The following ST7L variants were observed in gnomAD, a reference collection of about 807,000 sequenced individuals.
The protein encoded by ST7L is suppressor of tumorigenicity 7 protein-like.
A neutral mutation model predicts 72.5 loss-of-function variants in ST7L; 57 were observed. The ratio of observed to expected loss-of-function variants is 0.79; its 90% CI spans 0.64 to 0.98. The LOEUF (loss-of-function observed/expected upper bound fraction) is 0.98, where lower values mean the gene tolerates loss of function less well. Among genes scored for constraint, ST7L ranks in the 50% least tolerant of loss-of-function variants. The probability of loss-of-function intolerance (pLI) is 0.00; values close to 1 mark genes in which losing one functional copy is unlikely to be tolerated. For missense variants in ST7L, 576 were observed against 672.2 expected, an observed-to-expected ratio of 0.86 and a Z score of 1.58; for synonymous variants, 221 against 240.9, an observed-to-expected ratio of 0.92 and a Z score of 0.77.
chr1:112,536,287 A>AT (rs747275818), intron 14 of ST7L, among the ~76,000 whole-genome samples: 4 of 152,172 alleles, frequency 2.6e-5, no homozygotes, highest in Non-Finnish European at 5.9e-5. Context: ...GGCCCTAGGA[A>AT]TTTAATAAAG....
At chr1:112,575,469 G>C (rs1204492524) in intron 11 of ST7L, among the ~76,000 whole-genome samples, 1 of 152,128 alleles carries the variant, frequency 6.6e-6, no homozygotes, top group East Asian at 1.9e-4. Context: ...TCTTGCATTT[G>C]GGGTCACTAT....
In ST7L at chr1:112,568,070, T is replaced by G. The variant is rs189557492; in HGVS notation, c.1245+8916A>C. Among the ~76,000 whole-genome samples, 151 of 152,236 alleles carry G rather than the reference T, an allele frequency of 9.9e-4. 1 individual carries two copies. Among genetic ancestry groups the G allele is most frequent in the African/African-American group, 3.6e-3 (149 of 41,560 alleles). ...TCTTTGTGGGAGCTCCAAATACCCA[T>G]GATGTATAGCAGGCATCATTTTGCT... is the stretch of plus-strand genomic sequence containing the variant. On this transcript the variant is annotated intron_variant, in intron 11 of 14. Coordinates refer to ENST00000358039, the MANE Select transcript of ST7L (RefSeq NM_017744.5).
chr1:112,578,357 G>A lies in ST7L; in HGVS notation c.1130C>T (p.Thr377Ile), dbSNP rs780412919. 1 of 1,614,052 alleles carries A rather than the reference G, an allele frequency of 6.2e-7. No individual in the cohort carries two copies. Among genetic ancestry groups the A allele is most frequent in the South Asian group, 1.1e-5 (1 of 91,080 alleles). ...CYTAALLKTRTVSEKFSPETA... is the reference protein window; with the variant it reads ...CYTAALLKTRIVSEKFSPETA... ...TTATAACACGTACTTTTCTGAAACAGTCCTTGTCTTCAACAGTGCTGCTGT... is the reference window on the plus strand; with the variant it reads ...TTATAACACGTACTTTTCTGAAACAATCCTTGTCTTCAACAGTGCTGCTGT... The change falls in exon 10 of 15, where the codon ACT (threonine) becomes ATT (isoleucine). Residue 377 changes from threonine (T) to isoleucine (I), a missense_variant. Thr to Ile is a moderately conservative substitution (Grantham distance 89, BLOSUM62 -1). This residue lies in a region of ST7L where 511 missense variants were observed against 600.7 expected (regional missense o/e 0.85). Transcript: ENST00000358039.
chr1:112,586,504 ATAT>A (rs1664887232), intron 6 of ST7L, among the ~76,000 whole-genome samples: 1 of 152,186 alleles, frequency 6.6e-6, no homozygotes, highest in South Asian at 2.1e-4. Context: ...ACCGACTGAA[ATAT>A]TTTAAAATAA....
intron 11 of ST7L, among the ~76,000 whole-genome samples, chr1:112,572,699 G>A (rs1411108172): frequency 1.3e-5 from 2 of 152,040 alleles, no homozygotes; most frequent in Non-Finnish European, 2.9e-5. Flanking sequence ...AACATGTGGA[G>A]ATCCTGTCTC....
upstream of ST7L, chr1:112,619,271 C>G: frequency 2.9e-6 from 2 of 684,994 alleles, no homozygotes; most frequent in Middle Eastern, 4.1e-4. Context: ...AGGAGCGTGT[C>G]TCAAGATTGG....
chr1:112,582,121 G>A lies in ST7L; in HGVS notation c.955-15C>T. 6.5e-7 allele frequency: 1 copy of A among 1,532,614 alleles called. No homozygotes were observed. The highest frequency in any genetic ancestry group is 9.0e-7 in the Non-Finnish European group (1 of 1,110,118). The allele number at this position is 1,532,614 out of a possible 1,614,324, so 94.9% of individuals were successfully genotyped here. ...TCTTTCATCAACTGTATATTAAAAG[G>A]AAAAGAAAGATTAAAATCATAACAA... On this transcript the variant is annotated splice_polypyrimidine_tract_variant and intron_variant, in intron 8 of 14. Transcript: ENST00000358039.
intron 12 of ST7L, among the ~76,000 whole-genome samples, chr1:112,554,263 T>C (rs1337835611): frequency 6.6e-6 from 1 of 152,194 alleles, no homozygotes; most frequent in Non-Finnish European, 1.5e-5. Context: ...TTGGTGGTTA[T>C]AAGAAGCAAC....
intron 11 of ST7L, among the ~76,000 whole-genome samples, chr1:112,565,564 C>T (rs536661363): frequency 9.9e-5 from 15 of 152,284 alleles, no homozygotes; most frequent in African/African-American, 3.6e-4. Flanking sequence ...TATTACCTAA[C>T]TATTATTACG....
chr1:112,593,664 T>C (rs1666013847), intron 5 of ST7L, among the ~76,000 whole-genome samples: 1 of 152,184 alleles, frequency 6.6e-6, no homozygotes. Context: ...AAGGCATAAA[T>C]TCAGATTTTA....
intron 5 of ST7L, among the ~76,000 whole-genome samples, chr1:112,596,538 T>C (rs561134661): frequency 1.3e-5 from 2 of 152,356 alleles, no homozygotes; most frequent in Admixed American, 1.3e-4. Flanking sequence ...TTTCTATAAA[T>C]TGCTCAGAAC....
intron 2 of ST7L, among the ~76,000 whole-genome samples, chr1:112,615,236 G>A (rs1008850261): frequency 3.3e-5 from 5 of 151,880 alleles, no homozygotes; most frequent in South Asian, 4.2e-4. Context: ...ACCCCACCTC[G>A]GTCTCCCAAA....
chr1:112,584,710 A>G (rs1488557442), intron 6 of ST7L, among the ~76,000 whole-genome samples: 2 of 151,518 alleles, frequency 1.3e-5, no homozygotes, highest in South Asian at 2.1e-4. Context: ...CTGGTCTAGA[A>G]CTCCTGATCT....
chr1:112,616,165 C>G (rs1669844120), intron 2 of ST7L, among the ~76,000 whole-genome samples: 1 of 152,138 alleles, frequency 6.6e-6, no homozygotes, highest in African/African-American at 2.4e-5. Flanking sequence ...ACCCAGTCCT[C>G]AAAGAAATAA....
chr1:112,576,893 A>T, intron 11 of ST7L, 93 bp downstream of exon 11: 1 of 905,230 alleles, frequency 1.1e-6, no homozygotes, highest in Non-Finnish European at 1.7e-6. Context: ...ACAATTCTGC[A>T]CCAAATTATG....
At chr1:112,571,745 A>G (rs1179063435) in intron 11 of ST7L, among the ~76,000 whole-genome samples, 1 of 152,210 alleles carries the variant, frequency 6.6e-6, no homozygotes, top group Non-Finnish European at 1.5e-5. Flanking sequence ...TTAATGAAGC[A>G]TACTTTATAT....
In ST7L at chr1:112,561,861, ACT is replaced by A. The variant is rs1292516198; in HGVS notation, c.1246-5845_1246-5844del. ...GTAAATACAGTCATGGTAAAATCAC[ACT>A]GTCATCTTTAAAAGGTAAAAAAATG... On this transcript the variant is annotated intron_variant, in intron 11 of 14. Coordinates refer to ENST00000358039, the MANE Select transcript of ST7L (RefSeq NM_017744.5). Among the ~76,000 whole-genome samples the A allele has an allele frequency of 1.0e-4, 15 of 149,102 alleles. No homozygotes were observed. In the Admixed American group the frequency reaches 1.0e-3, roughly 10 times the overall value.
intron 14 of ST7L, chr1:112,529,498 CTGGT>C (rs1239191481): frequency 6.6e-6 from 1 of 152,082 alleles, no homozygotes; most frequent in Admixed American, 6.6e-5. Flanking sequence ...ATTGCTCATG[CTGGT>C]TGTTTTATTT....
At chr1:112,518,844 C>G (rs1405971635), downstream of ST7L, among the ~76,000 whole-genome samples, 2 of 152,190 alleles carry the variant, frequency 1.3e-5, no homozygotes, top group African/African-American at 4.8e-5. Context: ...CCCTCCAAAG[C>G]AATAGAGTCC....
Sources: allele counts gnomAD v4.1 joint callset (sites outside exome capture counted in the v4.1 genomes callset), GRCh38; gene constraint gnomAD v4.1.1; regional missense constraint gnomAD v4.1.1; transcripts MANE v1.5; gene names NCBI Gene and HGNC (gene_info 2026-07-23, HGNC 2026-07-21).